FAAP20: variants seen among roughly 807,000 people sequenced by gnomAD.
The protein encoded by FAAP20 is FA core complex associated protein 20.
FAAP20 carries 12 observed loss-of-function variants against 16.2 expected under a neutral mutation model. The observed-to-expected ratio is 0.74, with a 90% CI of 0.48 to 1.20. FAAP20 has a LOEUF of 1.20. Ranked by LOEUF, FAAP20 falls within the 50% of genes most tolerant of loss-of-function variation. The probability of loss-of-function intolerance (pLI) is 0.00; values close to 1 mark genes in which losing one functional copy is unlikely to be tolerated. For missense variants in FAAP20, 288 were observed against 245.8 expected, an observed-to-expected ratio of 1.17 and a Z score of -1.15; for synonymous variants, 141 against 110.7, an observed-to-expected ratio of 1.27 and a Z score of -1.72.
At chr1:2,210,047 G>A (rs1228173417), downstream of FAAP20, among the ~76,000 whole-genome samples, 6 of 152,164 alleles carry the variant, frequency 3.9e-5, no homozygotes, top group Non-Finnish European at 7.4e-5. Context: ...GGGTCCTGAG[G>A]GGAGCTGGGG....
chr1:2,206,762 G>A (rs756692312), intron 1 of FAAP20: 1 of 151,838 alleles, frequency 6.6e-6, no homozygotes, highest in African/African-American at 2.4e-5. Flanking sequence ...GAACCAGGGA[G>A]GTGGAGCTTG....
chr1:2,210,918 G>GA (rs1442535061), downstream of FAAP20, among the ~76,000 whole-genome samples: 1 of 152,248 alleles, frequency 6.6e-6, no homozygotes, highest in Non-Finnish European at 1.5e-5. Context: ...TGCTGCGGGG[G>GA]ACCTGGGCCT....
At chr1:2,203,008 GGTGACT>G (rs1372927590), upstream of FAAP20, among the ~76,000 whole-genome samples, 1 of 152,164 alleles carries the variant, frequency 6.6e-6, no homozygotes, top group African/African-American at 2.4e-5. Context: ...CCAGCCAGCT[GGTGACT>G]GGACAACAGT....
At chr1:2,197,051 A>T (rs1688855778), upstream of FAAP20, among the ~76,000 whole-genome samples, 1 of 152,094 alleles carries the variant, frequency 6.6e-6, no homozygotes, top group African/African-American at 2.4e-5. Flanking sequence ...CCCTCCTGCC[A>T]TGGGACCGGC....
chr1:2,184,519 A>C, downstream of FAAP20: 1 of 1,252,764 alleles, frequency 8.0e-7, no homozygotes. Flanking sequence ...GTGCGTGCAA[A>C]ACACTCAATC....
chr1:2,190,616 G>GCGTGCTCAGCAGAGCTGC lies in FAAP20; in HGVS notation c.471-853_471-836dup, dbSNP rs1188194580. The GCGTGCTCAGCAGAGCTGC allele has an allele frequency of 1.2e-4, 44 of 353,112 alleles. 1 individual carries two copies. Among genetic ancestry groups the GCGTGCTCAGCAGAGCTGC allele is most frequent in the Admixed American group, 7.5e-4 (20 of 26,768 alleles). The allele number at this position is 353,112 out of a possible 1,614,324, so 21.9% of individuals were successfully genotyped here. A position where few individuals can be genotyped will look rare whatever the true frequency, so the allele number is the denominator to read the frequency against. On this transcript the variant is annotated intron_variant, in intron 3 of 3. Transcript: ENST00000378546. ...TGACTCCCGGAGAGTGCCGGAGCTG[G>GCGTGCTCAGCAGAGCTGC]CGTGCTCAGCAGAGCTGCCGGGGAC... is the stretch of plus-strand genomic sequence containing the variant.
chr1:2,194,857 C>T, upstream of FAAP20: 3 of 1,014,594 alleles, frequency 3.0e-6, no homozygotes, highest in Non-Finnish European at 3.6e-6. Flanking sequence ...CCGCCCCCCT[C>T]CGAGACAGTC....
downstream of FAAP20, among the ~76,000 whole-genome samples, chr1:2,208,605 C>T (rs1156601132): frequency 6.6e-6 from 1 of 152,198 alleles, no homozygotes; most frequent in Admixed American, 6.5e-5. Context: ...ACCCTGAGCC[C>T]ATACCTGGGT....
chr1:2,194,939 G>T (rs1295360929), upstream of FAAP20, among the ~76,000 whole-genome samples: 1 of 151,910 alleles, frequency 6.6e-6, no homozygotes, highest in Non-Finnish European at 1.5e-5. Flanking sequence ...GCACCGCACA[G>T]GGGGGCCTGG....
downstream of FAAP20, among the ~76,000 whole-genome samples, chr1:2,188,523 A>G (rs567089983): frequency 1.2e-4 from 19 of 152,222 alleles, no homozygotes; most frequent in East Asian, 3.7e-3. Flanking sequence ...GGAACTCCCC[A>G]GGGTCTCCAT....
chr1:2,211,430 TATA>T (rs1689441617), downstream of FAAP20, among the ~76,000 whole-genome samples: 10 of 23,346 alleles, frequency 4.3e-4, no homozygotes, highest in Non-Finnish European at 6.4e-4. Flanking sequence ...TATATATATA[TATA>T]TATTTTTTTT....
chr1:2,201,179 A>G (rs1222744779), upstream of FAAP20: 1 of 1,255,748 alleles, frequency 8.0e-7, no homozygotes, highest in East Asian at 5.8e-5. Context: ...GCAGACCTTC[A>G]CAGAGGAGCC....
chr1:2,199,078 C>A, upstream of FAAP20: 1 of 1,195,316 alleles, frequency 8.4e-7, no homozygotes, highest in Non-Finnish European at 1.1e-6. The surrounding 1 kb of genome is among the most constrained non-coding windows in gnomAD (Gnocchi z 4.5). Flanking sequence ...ACAGGCCTGC[C>A]CCTGACCCCA....
At chr1:2,210,347 C>T (rs1246577996), downstream of FAAP20, among the ~76,000 whole-genome samples, 2 of 152,208 alleles carry the variant, frequency 1.3e-5, no homozygotes, top group Non-Finnish European at 2.9e-5. Context: ...CGGGTGCTGG[C>T]GGGACAGGGG....
chr1:2,192,753 A>G, intron 3 of FAAP20: 1 of 1,108,962 alleles, frequency 9.0e-7, no homozygotes, highest in Non-Finnish European at 1.2e-6. Flanking sequence ...AGCTAGGACC[A>G]CAGGCACGCG....
At chr1:2,202,443 A>G (rs985262715), upstream of FAAP20, among the ~76,000 whole-genome samples, 2 of 151,934 alleles carry the variant, frequency 1.3e-5, no homozygotes, top group African/African-American at 4.8e-5. Context: ...GGTTCAAGCA[A>G]TCCTCAACAC....
At position 2,193,794 on chromosome 1, in the gene FAAP20, G is replaced by A. The variant is rs772593583; in HGVS notation, c.315C>T (p.His105=). 1.6e-5 allele frequency: 25 copies of A among 1,603,352 alleles called. No individual in the cohort carries two copies. In the African/African-American group the frequency reaches 2.8e-4, roughly 18 times the overall value. Reference sequence around the variant, plus strand: ...GGGATTCCAGGTGCCCTCCTGCCCCGTGAAGCAGCCGGTAGGAACGGCCCG... The same window carrying A: ...GGGATTCCAGGTGCCCTCCTGCCCCATGAAGCAGCCGGTAGGAACGGCCCG... The part of the protein sequence containing the change: ...WGPGRSYRLL[H]GAGGHLESPA... Residue 105 remains histidine (H), a synonymous_variant, in exon 3 of 4, where the codon CAC becomes CAT. Coordinates refer to ENST00000378546, the MANE Select transcript of FAAP20 (RefSeq NM_182533.4).
chr1:2,195,577 G>A (rs931745527), upstream of FAAP20, among the ~76,000 whole-genome samples: 2 of 152,226 alleles, frequency 1.3e-5, no homozygotes, highest in Non-Finnish European at 2.9e-5. Context: ...CCCAGCCCCA[G>A]CAGCTTTGGG....
rs1687925533 is a variant in FAAP20, at chr1:2,189,598, T to TGCGGGGGAGCCGAGAGGCGGGGCTTCTG, written c.*110_*111insCAGAAGCCCCGCCTCTCGGCTCCCCCGC. ...GGAGCCCGCCCTGCTTTAATGCGCA[T>TGCGGGGGAGCCGAGAGGCGGGGCTTCTG]GCGGGGGAGCCGAGAGGCGGGGCTG... is the stretch of plus-strand genomic sequence containing the variant. On this transcript the variant is annotated 3_prime_UTR_variant, in exon 4 of 4. Coordinates refer to ENST00000378546, the MANE Select transcript of FAAP20 (RefSeq NM_182533.4). 2 of 866,884 alleles carry TGCGGGGGAGCCGAGAGGCGGGGCTTCTG rather than the reference T, an allele frequency of 2.3e-6. No individual in the cohort carries two copies. Among genetic ancestry groups the TGCGGGGGAGCCGAGAGGCGGGGCTTCTG allele is most frequent in the African/African-American group, 3.3e-5 (2 of 60,736 alleles). 53.7% of individuals were successfully genotyped at this position (866,884 alleles called of 1,614,324 possible).
Sources: gnomAD v4.1 joint callset for allele counts (sites outside exome capture counted in the v4.1 genomes callset) on GRCh38, gnomAD v4.1.1 for gene constraint, Gnocchi (gnomAD v3.1) non-coding constraint, MANE v1.5 for transcripts, NCBI Gene and HGNC (gene_info 2026-07-23, HGNC 2026-07-21) for gene names.